Variants in SHANK2 observed in about 807,000 individuals in gnomAD.
SHANK2 encodes the protein SH3 and multiple ankyrin repeat domains protein 2.
Under a neutral mutation model 133.7 loss-of-function variants are expected in SHANK2, and 43 were observed. The ratio of observed to expected loss-of-function variants is 0.32; its 90% CI spans 0.25 to 0.41. SHANK2 has a LOEUF of 0.41. Among genes scored for constraint, SHANK2 ranks in the 10% least tolerant of loss-of-function variants. The pLI, the probability that SHANK2 is intolerant of heterozygous loss-of-function variation, is 1.00. For synonymous variants in SHANK2, 1,017 were observed against 952.8 expected, an observed-to-expected ratio of 1.07 and a Z score of -1.24; for missense variants, 1,994 against 2,235.8, an observed-to-expected ratio of 0.89 and a Z score of 2.18.
chr11:71,166,519 T>C (rs1334022086), intron 2 of SHANK2, among the ~76,000 whole-genome samples: 4 of 150,920 alleles, frequency 2.7e-5, no homozygotes, highest in African/African-American at 9.8e-5. Context: ...TCGCTCTTGT[T>C]GCCCAGGCTG....
intron 10 of SHANK2, among the ~76,000 whole-genome samples, chr11:70,925,075 C>G (rs1181900918): frequency 6.6e-6 from 1 of 152,132 alleles, no homozygotes; most frequent in Non-Finnish European, 1.5e-5. Context: ...AGATACAACT[C>G]TCCATGGCGG....
intron 2 of SHANK2, among the ~76,000 whole-genome samples, chr11:71,151,143 C>T (rs1952789466): frequency 6.6e-6 from 1 of 152,184 alleles, no homozygotes; most frequent in African/African-American, 2.4e-5. Context: ...TCACCCTGCA[C>T]TCAGCTCACC....
At chr11:70,784,102 G>A (rs1480420717) in intron 14 of SHANK2, among the ~76,000 whole-genome samples, 3 of 152,176 alleles carry the variant, frequency 2.0e-5, no homozygotes, top group African/African-American at 7.2e-5. Context: ...GCTGCAGGAA[G>A]AAGCCGGGCA....
intron 10 of SHANK2, among the ~76,000 whole-genome samples, chr11:70,915,712 G>A (rs1950260422): frequency 6.6e-6 from 1 of 152,174 alleles, no homozygotes; most frequent in South Asian, 2.1e-4. Context: ...TGCCTGCCTC[G>A]CGGGACGGAC....
chr11:71,195,201 G>A (rs1555116013), intron 2 of SHANK2, among the ~76,000 whole-genome samples: 1 of 152,074 alleles, frequency 6.6e-6, no homozygotes, highest in Non-Finnish European at 1.5e-5. Context: ...GACCATCCTG[G>A]TTAACACAGT....
chr11:70,747,857 TTGTG>T (rs1555036600), intron 14 of SHANK2, among the ~76,000 whole-genome samples: 2 of 152,214 alleles, frequency 1.3e-5, no homozygotes, highest in African/African-American at 2.4e-5. Context: ...TGTGCAGTGT[TTGTG>T]TGTGCATACA....
At chr11:71,239,324 C>G (rs573495841) in intron 1 of SHANK2, among the ~76,000 whole-genome samples, 1 of 152,322 alleles carries the variant, frequency 6.6e-6, no homozygotes, top group African/African-American at 2.4e-5. Context: ...GCACAAAGCT[C>G]CTGGCTCACA....
intron 25 of SHANK2, among the ~76,000 whole-genome samples, chr11:70,480,564 G>A (rs544214310): frequency 7.2e-5 from 11 of 152,192 alleles, no homozygotes; most frequent in East Asian, 3.9e-4. Flanking sequence ...TTCTCCCCTC[G>A]AGAATTTGAG....
chr11:70,787,627 G>A lies in SHANK2; in HGVS notation c.1777+10816C>T, dbSNP rs531801302. Among the ~76,000 whole-genome samples the A allele has an allele frequency of 9.5e-5, 14 of 147,068 alleles. No homozygotes were observed. In the East Asian group the frequency reaches 2.5e-3, roughly 26 times the overall value. On this transcript the variant is annotated intron_variant, in intron 14 of 25. Coordinates refer to ENST00000601538, the MANE Select transcript of SHANK2 (RefSeq NM_012309.5). ...TGAGCACCACCACCAGCATCACCAC[G>A]ATCATCACCATGACCGCCACCAACA...
chr11:70,667,016 A>G (rs1349432339), intron 15 of SHANK2, among the ~76,000 whole-genome samples: 2 of 152,070 alleles, frequency 1.3e-5, no homozygotes, highest in African/African-American at 4.8e-5. Context: ...AACCAGCCCC[A>G]CCAAGTACAG....
chr11:70,922,868 C>T (rs1469901463), intron 10 of SHANK2, among the ~76,000 whole-genome samples: 2 of 151,864 alleles, frequency 1.3e-5, no homozygotes, highest in African/African-American at 4.8e-5. Context: ...GACCTGGTGA[C>T]ATAAACAAAA....
intron 14 of SHANK2, among the ~76,000 whole-genome samples, chr11:70,779,273 G>A (rs559227202): frequency 2.0e-4 from 30 of 151,510 alleles, no homozygotes; most frequent in Non-Finnish European, 3.5e-4. Flanking sequence ...GACAGAAAGG[G>A]TGGGGGATGC....
chr11:71,075,217 A>C lies in SHANK2; in HGVS notation c.971T>G (p.Met324Arg). 1 of 259,138 alleles carries C rather than the reference A, an allele frequency of 3.9e-6. No homozygotes were observed. Among genetic ancestry groups the C allele is most frequent in the South Asian group, 7.2e-5 (1 of 13,834 alleles). The allele number at this position is 259,138 out of a possible 1,614,324, so 16.1% of individuals were successfully genotyped here. A position where few individuals can be genotyped will look rare whatever the true frequency, so the allele number is the denominator to read the frequency against. ...LEHLLFYGAD[M>R]SAQNASGNTA... ...GTTCCCCGAGGCATTCTGGGCACTC[A>C]TGTCTGCCCCGTAGAACAGCAGGTG... Residue 324 changes from methionine to arginine, a missense_variant, in exon 9 of 26, where the codon ATG becomes AGG. This residue lies in a region of SHANK2 where 653 missense variants were observed against 563.4 expected (regional missense o/e 1.16). Transcript: ENST00000601538.
At chr11:71,234,537 T>C (rs1158050197) in intron 1 of SHANK2, among the ~76,000 whole-genome samples, 42 of 152,240 alleles carry the variant, frequency 2.8e-4, no homozygotes, top group Non-Finnish European at 1.3e-4. Context: ...CGCCCCAGAC[T>C]GGTCCTCCAC....
chr11:70,833,012 C>T lies in SHANK2; in HGVS notation c.1175-12330G>A, dbSNP rs368895013. Among the ~76,000 whole-genome samples the T allele has an allele frequency of 2.0e-5, 3 of 151,998 alleles. No individual in the cohort carries two copies. The East Asian group carries it at 5.8e-4, about 29-fold the overall frequency. ...GCCTGGCCAGCGTCCTCAGCGTCCT[C>T]ACTGCATTTGGAGTTCCCTGCACCC... On this transcript the variant is annotated intron_variant, in intron 11 of 25. Coordinates refer to ENST00000601538, the MANE Select transcript of SHANK2 (RefSeq NM_012309.5).
intron 8 of SHANK2, among the ~76,000 whole-genome samples, chr11:71,086,511 TATATA>T (rs1951421600): frequency 7.0e-6 from 1 of 142,486 alleles, no homozygotes; most frequent in Non-Finnish European, 1.5e-5. Context: ...TAATTTATTA[TATATA>T]ATATATAATA....
intron 17 of SHANK2, among the ~76,000 whole-genome samples, chr11:70,636,936 C>T (rs1003478263): frequency 7.9e-5 from 12 of 152,030 alleles, no homozygotes; most frequent in Admixed American, 6.6e-4. Context: ...GGGGTTGTCA[C>T]GACAAATCAC....
rs556252820 is a variant in SHANK2, at chr11:70,941,356, G to A, written c.1108-44789C>T. Among the ~76,000 whole-genome samples the A allele has an allele frequency of 1.3e-4, 20 of 152,328 alleles. No individual in the cohort carries two copies. The South Asian group carries it at 1.9e-3, about 14-fold the overall frequency. ...TACATCTGAAGGATGACAGCAGGCC[G>A]TGTGTTGAAAGCAAAATATTGCAGA... On this transcript the variant is annotated intron_variant, in intron 10 of 25. Coordinates refer to ENST00000601538, the MANE Select transcript of SHANK2 (RefSeq NM_012309.5).
At chr11:70,955,515 T>G (rs1421920617) in intron 10 of SHANK2, among the ~76,000 whole-genome samples, 1 of 152,098 alleles carries the variant, frequency 6.6e-6, no homozygotes, top group Non-Finnish European at 1.5e-5. Flanking sequence ...TTGTAATATG[T>G]GTCTATGTAT....
Sources: allele counts gnomAD v4.1 joint callset (sites outside exome capture counted in the v4.1 genomes callset), GRCh38; gene constraint gnomAD v4.1.1; regional missense constraint gnomAD v4.1.1; transcripts MANE v1.5; gene names NCBI Gene and HGNC (gene_info 2026-07-23, HGNC 2026-07-21).